TJP1: variants seen among roughly 807,000 people sequenced by gnomAD.
TJP1 encodes the protein tight junction protein 1.
TJP1 carries 43 observed loss-of-function variants against 194.2 expected under a neutral mutation model. That is an observed-to-expected ratio of 0.22 (90% confidence interval 0.17 to 0.29). The LOEUF (loss-of-function observed/expected upper bound fraction) is 0.29. TJP1 is among the 10% of genes least tolerant of loss of function. TJP1 has a pLI of 1.00. For synonymous variants in TJP1, 801 were observed against 779.0 expected, an observed-to-expected ratio of 1.03 and a Z score of -0.47; for missense variants, 1,971 against 2,185.7, an observed-to-expected ratio of 0.90 and a Z score of 1.96.
chr15:29,816,234 G>A (rs930592306), intron 1 of TJP1, among the ~76,000 whole-genome samples: 1 of 152,002 alleles, frequency 6.6e-6, no homozygotes, highest in African/African-American at 2.4e-5. Context: ...CGGCCGTGTT[G>A]GTTGTGCTGG....
chr15:29,820,417 A>G (rs757713248), intron 1 of TJP1: 9 of 666,026 alleles, frequency 1.4e-5, no homozygotes, highest in Non-Finnish European at 2.2e-5. Flanking sequence ...CTTTACTCGC[A>G]AATGTTTACA....
Position 29,940,230 on chromosome 15 carries a change from T to C in TJP1, c.306+16002A>G, listed in dbSNP as rs181073164. On this transcript the variant is annotated intron_variant, in intron 2 of 28. Coordinates refer to the TJP1 transcript ENST00000356107. ...CCATAGGAAAGAAAAGAGTAAATCA[T>C]AGGGGAGACAAAGTGATTCCTTTCC... is the stretch of plus-strand genomic sequence containing the variant. 3.2e-3 allele frequency among the ~76,000 whole-genome samples: 490 copies of C among 152,250 alleles called. 11 individuals carry two copies. Among genetic ancestry groups the C allele is most frequent in the Admixed American group, 0.027 (411 of 15,298 alleles).
intron 2 of TJP1, among the ~76,000 whole-genome samples, chr15:29,879,692 A>G (rs563628835): frequency 6.9e-4 from 103 of 149,434 alleles, no homozygotes; most frequent in African/African-American, 2.4e-3. Context: ...GCACTTTCGC[A>G]TATAGCTTAG....
At chr15:29,787,508 C>A (rs1172851139) in intron 2 of TJP1, among the ~76,000 whole-genome samples, 2 of 152,112 alleles carry the variant, frequency 1.3e-5, no homozygotes, top group African/African-American at 2.4e-5. Context: ...CATTCTTTAG[C>A]CATCATCTCT....
intron 2 of TJP1, among the ~76,000 whole-genome samples, chr15:29,835,117 T>C (rs2050982380): frequency 6.6e-6 from 1 of 152,168 alleles, no homozygotes; most frequent in Non-Finnish European, 1.5e-5. Flanking sequence ...TAGCTATAAC[T>C]TTCAGTGATC....
At chr15:29,817,233 G>A (rs1875994400) in intron 1 of TJP1, among the ~76,000 whole-genome samples, 1 of 152,140 alleles carries the variant, frequency 6.6e-6, no homozygotes, top group African/African-American at 2.4e-5. Flanking sequence ...ATGAAAAAAT[G>A]CTCATCATCA....
At chr15:29,886,163 A>C (rs952483582) in intron 2 of TJP1, among the ~76,000 whole-genome samples, 2 of 152,262 alleles carry the variant, frequency 1.3e-5, no homozygotes, top group African/African-American at 2.4e-5. Context: ...AAACATCAGC[A>C]GTGTAGAAAA....
chr15:29,703,706 G>A (rs369039764), intron 27 of TJP1, among the ~76,000 whole-genome samples: 5 of 151,850 alleles, frequency 3.3e-5, no homozygotes, highest in South Asian at 2.1e-4. Context: ...GCAGTGGCAC[G>A]ATCTTGGCTC....
chr15:29,753,584 T>C (rs952011453), intron 8 of TJP1, among the ~76,000 whole-genome samples: 49 of 150,050 alleles, frequency 3.3e-4, no homozygotes, highest in Non-Finnish European at 7.4e-5. Context: ...AAAGGACGAA[T>C]GAGCAGGATA....
At chr15:29,968,511 C>T (rs1162017868) in intron 1 of TJP1, among the ~76,000 whole-genome samples, 1 of 149,986 alleles carries the variant, frequency 6.7e-6, no homozygotes, top group East Asian at 1.9e-4. Context: ...TTGGCTGCTG[C>T]GCCCCGCGCG....
chr15:29,963,813 C>T (rs1490407917), intron 1 of TJP1, among the ~76,000 whole-genome samples: 1 of 152,180 alleles, frequency 6.6e-6, no homozygotes, highest in South Asian at 2.1e-4. Flanking sequence ...GCCATCACGC[C>T]CAGCTAATTT....
chr15:29,950,182 C>A lies in TJP1; in HGVS notation c.306+6050G>T, dbSNP rs559248282. On this transcript the variant is annotated intron_variant, in intron 2 of 28. Coordinates refer to the TJP1 transcript ENST00000356107. ...CCACCACCACAACCACTACCTCCACCTCCACCACCACCACCACTTCCATCT... is the reference window on the plus strand; with the variant it reads ...CCACCACCACAACCACTACCTCCACATCCACCACCACCACCACTTCCATCT... Among the ~76,000 whole-genome samples the A allele has an allele frequency of 1.5e-5, 2 of 129,118 alleles. 1 individual carries two copies. The highest frequency in any genetic ancestry group is 3.4e-5 in the Non-Finnish European group (2 of 58,026). The allele number at this position is 129,118 out of a possible 152,430, so 84.7% of individuals were successfully genotyped here. A position where few individuals can be genotyped will look rare whatever the true frequency, so the allele number is the denominator to read the frequency against.
chr15:29,732,261 G>C (rs1000859574), intron 15 of TJP1, 172 bp downstream of exon 15: 14 of 603,504 alleles, frequency 2.3e-5, no homozygotes, highest in African/African-American at 3.7e-5. Flanking sequence ...AAAAGAATTG[G>C]TGGAACAAGG....
intron 8 of TJP1, among the ~76,000 whole-genome samples, chr15:29,758,123 T>C (rs768155517): frequency 3.3e-5 from 5 of 152,236 alleles, no homozygotes; most frequent in Non-Finnish European, 7.3e-5. Context: ...ACAAACTTTG[T>C]ACTGTTTATG....
At chr15:29,776,673 T>C (rs993071013) in intron 2 of TJP1, among the ~76,000 whole-genome samples, 16 of 152,256 alleles carry the variant, frequency 1.1e-4, no homozygotes, top group African/African-American at 3.6e-4. Context: ...CATGCCTTAG[T>C]CTTTCGGAAA....
chr15:29,843,768 G>A (rs181332522), intron 2 of TJP1, among the ~76,000 whole-genome samples: 2 of 152,316 alleles, frequency 1.3e-5, no homozygotes, highest in Admixed American at 6.5e-5. Context: ...GGGGAAGGCA[G>A]GGGACGGCTC....
intron 4 of TJP1, among the ~76,000 whole-genome samples, chr15:29,769,423 A>G (rs1480903794): frequency 6.6e-6 from 1 of 152,224 alleles, no homozygotes; most frequent in Non-Finnish European, 1.5e-5. Context: ...TTGACTCTGA[A>G]AAGTCACTCC....
intron 15 of TJP1, among the ~76,000 whole-genome samples, chr15:29,731,844 G>T (rs533548162): frequency 2.0e-5 from 3 of 151,874 alleles, no homozygotes; most frequent in African/African-American, 7.2e-5. Flanking sequence ...GGATCTGTAA[G>T]CAAAACGTAT....
intron 2 of TJP1, among the ~76,000 whole-genome samples, chr15:29,858,232 C>A (rs2051937192): frequency 6.6e-6 from 1 of 152,096 alleles, no homozygotes; most frequent in Non-Finnish European, 1.5e-5. Context: ...GAAACTTCGT[C>A]TCTATAAAAA....
Sources: allele counts gnomAD v4.1 joint callset (sites outside exome capture counted in the v4.1 genomes callset), GRCh38; gene constraint gnomAD v4.1.1; transcripts MANE v1.5; gene names NCBI Gene and HGNC (gene_info 2026-07-23, HGNC 2026-07-21).